The following NTRK3 variants were observed in gnomAD, a reference collection of about 807,000 sequenced individuals.
NTRK3 encodes neurotrophic receptor tyrosine kinase 3.
In NTRK3, 24 loss-of-function variants were observed where a neutral mutation model predicts 91.7. The observed-to-expected ratio is 0.26, with a 90% CI of 0.19 to 0.37. The LOEUF is 0.37. Among genes scored for constraint, NTRK3 ranks in the 10% least tolerant of loss-of-function variants. The pLI is 1.00. For synonymous variants in NTRK3, 483 were observed against 404.0 expected (o/e 1.20, Z -2.34); for missense variants, 880 against 1,068.9 (o/e 0.82, Z 2.46).
chr15:88,145,253 G>A (rs1041621563), intron 6 of NTRK3, among the ~76,000 whole-genome samples: 1 of 152,140 alleles, frequency 6.6e-6, no homozygotes, highest in African/African-American at 2.4e-5. Flanking sequence ...CCAACACGCG[G>A]CCCCTCCAGC....
At chr15:87,942,950 G>A (rs890030613) in intron 14 of NTRK3, among the ~76,000 whole-genome samples, 2 of 152,148 alleles carry the variant, frequency 1.3e-5, no homozygotes, top group African/African-American at 4.8e-5. Flanking sequence ...AGAGCATCAG[G>A]ACATGGCAGG....
exon 19 of NTRK3, chr15:87,870,284 C>T (rs779852433): frequency 2.3e-4 from 43 of 188,242 alleles, no homozygotes; most frequent in African/African-American, 7.0e-4. Flanking sequence ...GCATTCGAAG[C>T]GGCCTGGGTG....
chr15:88,124,981 G>C (rs1300452073), intron 13 of NTRK3, among the ~76,000 whole-genome samples: 1 of 152,112 alleles, frequency 6.6e-6, no homozygotes, highest in Non-Finnish European at 1.5e-5. Flanking sequence ...CCCATTTTTT[G>C]TTTGTTGTTT....
At chr15:88,097,536 T>G (rs774875884) in intron 13 of NTRK3, among the ~76,000 whole-genome samples, 6 of 152,238 alleles carry the variant, frequency 3.9e-5, no homozygotes, top group Admixed American at 2.0e-4. Flanking sequence ...CTTAATATAG[T>G]AATTCCACCA....
intron 14 of NTRK3, among the ~76,000 whole-genome samples, chr15:87,967,369 A>G (rs1316675243): frequency 6.6e-6 from 1 of 152,170 alleles, no homozygotes; most frequent in Non-Finnish European, 1.5e-5. Context: ...CTCCCTAGAC[A>G]TTAAAGCATT....
intron 3 of NTRK3, among the ~76,000 whole-genome samples, chr15:88,221,736 C>T (rs1160446175): frequency 1.3e-5 from 2 of 152,202 alleles, no homozygotes; most frequent in African/African-American, 4.8e-5. Context: ...AGCACTGAGG[C>T]CAGTCCCGTA....
intron 14 of NTRK3, among the ~76,000 whole-genome samples, chr15:88,013,741 C>T (rs2077039964): frequency 6.6e-6 from 1 of 152,100 alleles, no homozygotes; most frequent in South Asian, 2.1e-4. Flanking sequence ...GTGGCTCATG[C>T]CTATAAATCT....
chr15:88,153,224 C>T (rs1301778598), intron 5 of NTRK3, among the ~76,000 whole-genome samples: 2 of 151,996 alleles, frequency 1.3e-5, no homozygotes, highest in Non-Finnish European at 2.9e-5. Context: ...AGTATCTATC[C>T]CTTTTCTTCT....
At chr15:88,056,200 ATATTTTT>A (rs2045672038) in intron 13 of NTRK3, among the ~76,000 whole-genome samples, 1 of 99,954 alleles carries the variant, frequency 1.0e-5, no homozygotes, top group African/African-American at 3.6e-5. Context: ...ATATATATAT[ATATTTTT>A]TTTTTAATGT....
intron 15 of NTRK3, among the ~76,000 whole-genome samples, chr15:87,939,050 T>C (rs746819234): frequency 3.9e-5 from 6 of 152,186 alleles, no homozygotes; most frequent in Admixed American, 1.3e-4. Flanking sequence ...ATTGTTATGC[T>C]GCTTTCCAAC....
chr15:87,976,129 C>G (rs1370767761), intron 14 of NTRK3, among the ~76,000 whole-genome samples: 1 of 152,130 alleles, frequency 6.6e-6, no homozygotes, highest in Non-Finnish European at 1.5e-5. Flanking sequence ...AATGAAAGTT[C>G]TCCCTCGAAC....
chr15:88,056,645 G>T (rs973075837), intron 13 of NTRK3, among the ~76,000 whole-genome samples: 1 of 152,260 alleles, frequency 6.6e-6, no homozygotes, highest in South Asian at 2.1e-4. Flanking sequence ...CTGCTCACTC[G>T]TTCCCTCCTT....
intron 14 of NTRK3, among the ~76,000 whole-genome samples, chr15:87,967,477 C>T (rs1260122780): frequency 1.3e-5 from 2 of 152,186 alleles, no homozygotes; most frequent in Admixed American, 6.5e-5. Context: ...CCCATAGGTC[C>T]TGGCTAGAGC....
chr15:87,920,434 T>C (rs1027288993), intron 17 of NTRK3, among the ~76,000 whole-genome samples: 24 of 152,168 alleles, frequency 1.6e-4, no homozygotes, highest in African/African-American at 5.3e-4. Flanking sequence ...CTCCAGTCTG[T>C]GGCCACGTCT....
At chr15:88,064,961 C>T (rs567341442) in intron 13 of NTRK3, among the ~76,000 whole-genome samples, 1 of 152,246 alleles carries the variant, frequency 6.6e-6, no homozygotes, top group East Asian at 1.9e-4. Flanking sequence ...TCTTGCTTTT[C>T]TTCGTATCTC....
chr15:88,061,617 C>T (rs768238931), intron 13 of NTRK3, among the ~76,000 whole-genome samples: 11 of 152,234 alleles, frequency 7.2e-5, no homozygotes, highest in East Asian at 1.9e-4. Flanking sequence ...CCCCGCAGGG[C>T]GAGGGCTCAC....
chr15:87,917,877 T>A (rs904488771), intron 17 of NTRK3, among the ~76,000 whole-genome samples: 2 of 152,218 alleles, frequency 1.3e-5, no homozygotes, highest in African/African-American at 4.8e-5. Context: ...TGCACAGTCT[T>A]CAGAGATATG....
At chr15:87,909,602 G>A (rs2066968335) in intron 17 of NTRK3, among the ~76,000 whole-genome samples, 1 of 152,164 alleles carries the variant, frequency 6.6e-6, no homozygotes, top group Non-Finnish European at 1.5e-5. Flanking sequence ...GGGCAGTTGG[G>A]AAGAGAAGGT....
intron 14 of NTRK3, among the ~76,000 whole-genome samples, chr15:88,002,308 A>G (rs1039099060): frequency 6.6e-6 from 1 of 151,852 alleles, no homozygotes; most frequent in Non-Finnish European, 1.5e-5. Flanking sequence ...CAAAAGAAAG[A>G]CATAAGTTCA....
Sources: allele counts gnomAD v4.1 joint callset (sites outside exome capture counted in the v4.1 genomes callset), GRCh38; gene constraint gnomAD v4.1.1; transcripts MANE v1.5; gene names NCBI Gene and HGNC (gene_info 2026-07-23, HGNC 2026-07-21).